Variants in SPTA1 observed in about 807,000 individuals in gnomAD.
The protein encoded by SPTA1 is spectrin alpha, erythrocytic 1.
Under a neutral mutation model 324.7 loss-of-function variants are expected in SPTA1, and 177 were observed. That is an observed-to-expected ratio of 0.55 (90% confidence interval 0.48 to 0.62). The LOEUF is 0.62. SPTA1 is among the 20% of genes least tolerant of loss of function. The probability of loss-of-function intolerance (pLI) is 0.00; values close to 1 mark genes in which losing one functional copy is unlikely to be tolerated. For missense variants in SPTA1, 3,162 were observed against 2,883.6 expected, an observed-to-expected ratio of 1.10 and a Z score of -2.21; for synonymous variants, 1,195 against 1,041.3, an observed-to-expected ratio of 1.15 and a Z score of -2.84.
rs906342867 is a variant in SPTA1, at chr1:158,656,795, C to T, written c.2806-139G>A. On this transcript the variant is annotated intron_variant, in intron 19 of 51. Coordinates refer to ENST00000643759, the MANE Select transcript of SPTA1 (RefSeq NM_003126.4). ...CATCTATCATAAAGTTATTTTTAACCCTAAATTTGCAAGCATGAAGGAAAT... is the reference window on the plus strand; with the variant it reads ...CATCTATCATAAAGTTATTTTTAACTCTAAATTTGCAAGCATGAAGGAAAT... 5.6e-6 allele frequency: 4 copies of T among 710,012 alleles called. No individual in the cohort carries two copies. The African/African-American group carries it at 7.1e-5, about 13-fold the overall frequency. The allele number at this position is 710,012 out of a possible 1,614,324, so 44.0% of individuals were successfully genotyped here. A position where few individuals can be genotyped will look rare whatever the true frequency, so the allele number is the denominator to read the frequency against.
chr1:158,610,905 C>CA lies in SPTA1; in HGVS notation c.*358dup, dbSNP rs1030646704. The CA allele has an allele frequency of 3.4e-5, 7 of 208,344 alleles. No homozygotes were observed. The highest frequency in any genetic ancestry group is 1.4e-4 in the African/African-American group (6 of 42,558). 12.9% of individuals were successfully genotyped at this position (208,344 alleles called of 1,614,324 possible). A position where few individuals can be genotyped will look rare whatever the true frequency, so the allele number is the denominator to read the frequency against. ...CTCAACATTTTACTTAACTTTGCCCCAAAAAATATTTTTAAAAAGAATTAC... is the reference window on the plus strand; with the variant it reads ...CTCAACATTTTACTTAACTTTGCCCCAAAAAAATATTTTTAAAAAGAATTAC... On this transcript the variant is annotated 3_prime_UTR_variant, in exon 52 of 52. Coordinates refer to ENST00000643759, the MANE Select transcript of SPTA1 (RefSeq NM_003126.4).
In SPTA1 at chr1:158,626,900, C is replaced by T. The variant is rs1439577169; in HGVS notation, c.5772G>A (p.Leu1924=). The T allele has an allele frequency of 6.2e-7, 1 of 1,613,922 alleles. No homozygotes were observed. The highest frequency in any genetic ancestry group is 8.5e-7 in the Non-Finnish European group (1 of 1,179,850). ...ATTCCTGAAAGGCATAATCGTCTTC[C>T]AATTGCAACTTCCAAGCAGCTATTG... ...AKAIAAWKLQ[L]EDDYAFQEFN... is the part of the protein sequence containing the mutation. Residue 1924 remains leucine (L), a synonymous_variant, in exon 41 of 52, where the codon TTG becomes TTA. Coordinates refer to ENST00000643759, the MANE Select transcript of SPTA1 (RefSeq NM_003126.4).
intron 11 of SPTA1, 148 bp from the exon 12 acceptor site, chr1:158,671,601 C>T (rs1329790046): frequency 1.4e-6 from 1 of 703,572 alleles, no homozygotes; most frequent in Admixed American, 2.1e-5. Flanking sequence ...TAACTTTAAA[C>T]AGCAGGAGTT....
In SPTA1 at chr1:158,644,380, C is replaced by A; in HGVS notation, c.4211G>T (p.Cys1404Phe). Residue 1404 changes from cysteine (C) to phenylalanine (F), a missense_variant, in exon 30 of 52, where the codon TGT becomes TTT. Coordinates refer to ENST00000643759, the MANE Select transcript of SPTA1 (RefSeq NM_003126.4). Reference protein sequence around the residue: ...CLELQMFQGNCDQVESWMVAR... With the variant: ...CLELQMFQGNFDQVESWMVAR... ...CACCATCCAGCTCTCAACTTGATCA[C>A]AGTTCCCCTGGAACATCTATGAGGA... 6.2e-7 allele frequency: 1 copy of A among 1,613,808 alleles called. No homozygotes were observed. Among genetic ancestry groups the A allele is most frequent in the Non-Finnish European group, 8.5e-7 (1 of 1,179,842 alleles).
At chr1:158,638,288 C>T (rs769291061) in intron 35 of SPTA1, 47 bp from the exon 36 acceptor site, 4 of 1,573,582 alleles carry the variant, frequency 2.5e-6, no homozygotes, top group Non-Finnish European at 2.6e-6. Flanking sequence ...ATAGGCATTA[C>T]TCAGATCCCA....
chr1:158,668,401 C>G (rs1653770278), intron 14 of SPTA1, among the ~76,000 whole-genome samples: 1 of 152,146 alleles, frequency 6.6e-6, no homozygotes, highest in South Asian at 2.1e-4. Context: ...CATGAACCTT[C>G]CATCCATTTG....
At chr1:158,657,736 G>T in intron 18 of SPTA1, 42 bp from the exon 19 acceptor site, 1 of 1,578,800 alleles carries the variant, frequency 6.3e-7, no homozygotes, top group Non-Finnish European at 8.7e-7. Flanking sequence ...ATCCTCATGA[G>T]TGTTTACCAT....
At chr1:158,625,195 A>G (rs367558841) in intron 42 of SPTA1, among the ~76,000 whole-genome samples, 5 of 152,232 alleles carry the variant, frequency 3.3e-5, no homozygotes, top group Admixed American at 2.0e-4. Flanking sequence ...GTGGAAATAG[A>G]TATTTCTGCA....
chr1:158,612,726 G>C, intron 51 of SPTA1, 91 bp downstream of exon 51: 1 of 1,438,092 alleles, frequency 7.0e-7, no homozygotes, highest in Non-Finnish European at 9.8e-7. Flanking sequence ...AAACAAGTGG[G>C]TGGGTTTTTT....
At chr1:158,650,020 A>G in intron 24 of SPTA1, 73 bp from the exon 25 acceptor site, 1 of 1,015,746 alleles carries the variant, frequency 9.8e-7, no homozygotes, top group East Asian at 2.4e-5. Context: ...TGAAGACCAG[A>G]CAAGATTTAA....
intron 26 of SPTA1, among the ~76,000 whole-genome samples, chr1:158,648,003 G>T (rs1571444325): frequency 6.6e-6 from 1 of 152,130 alleles, no homozygotes; most frequent in Non-Finnish European, 1.5e-5. Context: ...AAACCCAAGG[G>T]TCTTGATTCT....
At chr1:158,624,344 G>A (rs1028221848) in intron 42 of SPTA1, among the ~76,000 whole-genome samples, 1 of 152,200 alleles carries the variant, frequency 6.6e-6, no homozygotes, top group African/African-American at 2.4e-5. Context: ...CACCTAGGAG[G>A]GAGGCTGTAC....
chr1:158,640,723 G>C (rs1651491544), intron 33 of SPTA1, among the ~76,000 whole-genome samples: 1 of 151,832 alleles, frequency 6.6e-6, no homozygotes, highest in African/African-American at 2.4e-5. Context: ...AGAATCAATG[G>C]CCATACTGCC....
At chr1:158,611,853 T>C (rs965061015) in intron 51 of SPTA1, 1 of 172,968 alleles carries the variant, frequency 5.8e-6, no homozygotes, top group Non-Finnish European at 1.2e-5. Flanking sequence ...TGCCAAAGAG[T>C]TCCTCTATTC....
intron 39 of SPTA1, among the ~76,000 whole-genome samples, chr1:158,631,640 A>G (rs1231071488): frequency 6.6e-6 from 1 of 152,184 alleles, no homozygotes; most frequent in Non-Finnish European, 1.5e-5. Context: ...TGAGCTAAGA[A>G]GTTTAATAGA....
rs558819094 is a variant in SPTA1, at chr1:158,656,353, A to T, written c.2898+211T>A. Among the ~76,000 whole-genome samples the T allele has an allele frequency of 1.8e-4, 27 of 152,358 alleles. No individual in the cohort carries two copies. In the East Asian group the frequency reaches 5.2e-3, roughly 29 times the overall value. ...AAGCCAAAAATACATCAATGAAGAC[A>T]TGATACCATTTATCAAAAACCTCTT... On this transcript the variant is annotated intron_variant, in intron 20 of 51. Coordinates refer to ENST00000643759, the MANE Select transcript of SPTA1 (RefSeq NM_003126.4).
Position 158,620,418 on chromosome 1 carries a change from T to C in SPTA1, c.6169A>G (p.Asn2057Asp). 6.2e-7 allele frequency: 1 copy of C among 1,613,650 alleles called. No individual in the cohort carries two copies. ...TTTTCTTCCATCTTTTCACACCAGT[T>C]GTTCAAAGCTGAAGCCTTATGTGCA... ...EFAHKASALNNWCEKMEENLS... is the reference protein window; with the variant it reads ...EFAHKASALNDWCEKMEENLS... Residue 2057 changes from asparagine (N) to aspartate (D), a missense_variant, in exon 44 of 52, where the codon AAC (asparagine) becomes GAC (aspartate). By Grantham distance (23) the Asn-to-Asp change is conservative. Transcript: ENST00000643759.
intron 39 of SPTA1, 122 bp from the exon 40 acceptor site, chr1:158,627,845 G>T: frequency 1.1e-6 from 1 of 892,286 alleles, no homozygotes; most frequent in Non-Finnish European, 1.8e-6. Flanking sequence ...CAGACTAGGT[G>T]AATGCCCACT....
At chr1:158,685,067 T>C (rs200420136) in intron 2 of SPTA1, 41 bp downstream of exon 2, 1 of 1,612,680 alleles carries the variant, frequency 6.2e-7, no homozygotes, top group Non-Finnish European at 8.5e-7. Context: ...TCTCTAGAGA[T>C]CTTAGGGTCT....
Sources: gnomAD v4.1 joint callset for allele counts (sites outside exome capture counted in the v4.1 genomes callset) on GRCh38, gnomAD v4.1.1 for gene constraint, MANE v1.5 for transcripts, NCBI Gene and HGNC (gene_info 2026-07-23, HGNC 2026-07-21) for gene names.